Variants in SERPINA12 observed in about 807,000 individuals in gnomAD.
SERPINA12 encodes the protein serpin family A member 12, also known as serpin A12.
In SERPINA12, 21 loss-of-function variants were observed where a neutral mutation model predicts 25.9. That is an observed-to-expected ratio of 0.81 (90% CI 0.58 to 1.17). The LOEUF (loss-of-function observed/expected upper bound fraction) is 1.17, where lower values mean the gene tolerates loss of function less well. Ranked by LOEUF, SERPINA12 falls within the 50% of genes most tolerant of loss-of-function variation. The probability of loss-of-function intolerance (pLI) is 0.00; values close to 1 mark genes in which losing one functional copy is unlikely to be tolerated. For synonymous variants in SERPINA12, 220 were observed against 196.0 expected (o/e 1.12, Z -1.02); for missense variants, 562 against 508.3 (o/e 1.11, Z -1.02).
chr14:94,515,054 C>T (rs1032289028), intron 2 of SERPINA12, among the ~76,000 whole-genome samples: 3 of 152,180 alleles, frequency 2.0e-5, no homozygotes, highest in African/African-American at 7.2e-5. Context: ...GACTCAGTGG[C>T]TGAGTTGGAC....
At chr14:94,492,641 G>T (rs1900225667) in intron 3 of SERPINA12, among the ~76,000 whole-genome samples, 1 of 152,222 alleles carries the variant, frequency 6.6e-6, no homozygotes, top group African/African-American at 2.4e-5. Flanking sequence ...GAGTAGCAGG[G>T]GGCCGTAGGT....
chr14:94,500,920 C>CA, intron 1 of SERPINA12: 1 of 983,940 alleles, frequency 1.0e-6, no homozygotes, highest in Non-Finnish European at 1.2e-6. Context: ...GGCAGGAGTT[C>CA]TGTGCTCTGC....
At chr14:94,502,427 T>G (rs1300741393) in intron 1 of SERPINA12, among the ~76,000 whole-genome samples, 1 of 152,190 alleles carries the variant, frequency 6.6e-6, no homozygotes, top group Non-Finnish European at 1.5e-5. Flanking sequence ...ATCAGCCAAC[T>G]GAAGCAACAG....
intron 2 of SERPINA12, among the ~76,000 whole-genome samples, chr14:94,496,845 C>T (rs918505958): frequency 6.6e-6 from 1 of 152,096 alleles, no homozygotes; most frequent in African/African-American, 2.4e-5. Context: ...CCCAAAGAAG[C>T]CAGGACTAGA....
intron 1 of SERPINA12, among the ~76,000 whole-genome samples, chr14:94,516,861 G>A (rs715216): frequency 0.1 from 15,393 of 152,240 alleles, 953 homozygotes; most frequent in Middle Eastern, 0.21. Flanking sequence ...AACAGGTGAT[G>A]AAATGACAGC....
Position 94,498,132 on chromosome 14 carries a change from C to G in SERPINA12, c.266G>C (p.Gly89Ala). The G allele has an allele frequency of 6.2e-7, 1 of 1,614,084 alleles. No homozygotes were observed. The change falls in exon 2 of 5, where the codon GGT (glycine) becomes GCT (alanine). Residue 89 changes from glycine to alanine, a missense_variant. Coordinates refer to ENST00000677451, the MANE Select transcript of SERPINA12 (RefSeq NM_001382267.1). ...CTCGTCCAGGGTGCTGTCCTGGGCA[C>G]CCAGGCACAGCATGGAGAAAGCTGT... is the stretch of plus-strand genomic sequence containing the variant. ...ISTAFSMLCL[G>A]AQDSTLDEIK... is the part of the protein sequence containing the mutation.
At chr14:94,498,931 C>T (rs1392007091) in intron 1 of SERPINA12, among the ~76,000 whole-genome samples, 1 of 152,104 alleles carries the variant, frequency 6.6e-6, no homozygotes, top group Non-Finnish European at 1.5e-5. Context: ...GCCATGGTTT[C>T]CACATGTAGA....
intron 4 of SERPINA12, 33 bp downstream of exon 4, chr14:94,489,587 G>T: frequency 6.2e-6 from 10 of 1,609,284 alleles, no homozygotes; most frequent in Non-Finnish European, 8.5e-6. Flanking sequence ...CCCCTGTGCT[G>T]CAGGGAGTGG....
In SERPINA12 at chr14:94,509,397, G is replaced by T. The variant is rs1901045543; in HGVS notation, c.-89C>A. Among the ~76,000 whole-genome samples the T allele has an allele frequency of 6.6e-6, 1 of 151,162 alleles. No individual in the cohort carries two copies. Among genetic ancestry groups the T allele is most frequent in the South Asian group, 2.1e-4 (1 of 4,792 alleles). On this transcript the variant is annotated 5_prime_UTR_variant, in exon 1 of 5. The change creates a new upstream start codon in the 5' untranslated region. Coordinates refer to ENST00000677451, the MANE Select transcript of SERPINA12 (RefSeq NM_001382267.1). ...GGTCAGTCTTCCTTGGCCTTCCCCAGTTGTTGCTGATCCCAGCCTCCTAGT... is the reference window on the plus strand; with the variant it reads ...GGTCAGTCTTCCTTGGCCTTCCCCATTTGTTGCTGATCCCAGCCTCCTAGT...
At chr14:94,503,390 C>G (rs188182317) in intron 1 of SERPINA12, 47 of 857,500 alleles carry the variant, frequency 5.5e-5, no homozygotes, top group Non-Finnish European at 6.6e-5. Flanking sequence ...AGTCCTCACT[C>G]TGTGTCAGGC....
chr14:94,500,863 A>G, intron 1 of SERPINA12: 1 of 985,376 alleles, frequency 1.0e-6, no homozygotes, highest in Non-Finnish European at 1.2e-6. Flanking sequence ...ACATCCTCAC[A>G]AATACGGGCA....
intron 1 of SERPINA12, among the ~76,000 whole-genome samples, chr14:94,504,535 T>C (rs1312970202): frequency 6.6e-6 from 1 of 152,266 alleles, no homozygotes; most frequent in African/African-American, 2.4e-5. Context: ...CTTGGGGTCA[T>C]TCCCATGTAT....
intron 1 of SERPINA12, chr14:94,517,383 C>T (rs905951134): frequency 1.5e-4 from 23 of 152,242 alleles, no homozygotes; most frequent in African/African-American, 5.5e-4. Flanking sequence ...GGTTAGCTCC[C>T]TCTATAACTT....
chr14:94,516,871 C>A (rs1390950991), intron 1 of SERPINA12, among the ~76,000 whole-genome samples: 1 of 152,198 alleles, frequency 6.6e-6, no homozygotes, highest in Non-Finnish European at 1.5e-5. Flanking sequence ...GAAATGACAG[C>A]TCCCACAGGC....
upstream of SERPINA12, among the ~76,000 whole-genome samples, chr14:94,509,822 C>G (rs927572187): frequency 1.3e-5 from 2 of 152,188 alleles, no homozygotes; most frequent in Non-Finnish European, 2.9e-5. Flanking sequence ...GTGACACACG[C>G]CATCCCCTCC....
intron 3 of SERPINA12, among the ~76,000 whole-genome samples, chr14:94,493,386 C>T (rs1182716479): frequency 6.6e-6 from 1 of 152,186 alleles, no homozygotes; most frequent in Non-Finnish European, 1.5e-5. Context: ...ACTGGGTAGG[C>T]AAGACATCCC....
chr14:94,504,636 A>G (rs1192830321), intron 1 of SERPINA12, among the ~76,000 whole-genome samples: 1 of 152,262 alleles, frequency 6.6e-6, no homozygotes, highest in Non-Finnish European at 1.5e-5. Context: ...GAGGACAGAC[A>G]AATAGACAAC....
chr14:94,494,288 C>T (rs755105806), intron 3 of SERPINA12, among the ~76,000 whole-genome samples: 34 of 152,208 alleles, frequency 2.2e-4, no homozygotes, highest in Non-Finnish European at 3.8e-4. Flanking sequence ...GGCTGAAACA[C>T]GTCAGTCCCT....
rs1264660783 is a variant in SERPINA12, at chr14:94,489,741, A to G, written c.932T>C (p.Leu311Pro). Residue 311 changes from leucine (L) to proline (P), a missense_variant, in exon 4 of 5, where the codon CTC (leucine) becomes CCC (proline). Leu to Pro is a moderately conservative substitution (Grantham distance 98). Coordinates refer to ENST00000677451, the MANE Select transcript of SERPINA12 (RefSeq NM_001382267.1). Reference sequence around the variant, plus strand: ...CAGGTCGAAGGTGCCCGTCATGTGGAGTCTGGGTACAGACACGTCTACGAC... The same window carrying G: ...CAGGTCGAAGGTGCCCGTCATGTGGGGTCTGGGTACAGACACGTCTACGAC... ...RRVVDVSVPR[L>P]HMTGTFDLKK... 1 of 1,614,032 alleles carries G rather than the reference A, an allele frequency of 6.2e-7. No individual in the cohort carries two copies. The highest frequency in any genetic ancestry group is 1.3e-5 in the African/African-American group (1 of 74,914).
Sources: allele counts gnomAD v4.1 joint callset (sites outside exome capture counted in the v4.1 genomes callset), GRCh38; gene constraint gnomAD v4.1.1; transcripts MANE v1.5; gene names NCBI Gene and HGNC (gene_info 2026-07-23, HGNC 2026-07-21).